PLCG2: variants seen among roughly 807,000 people sequenced by gnomAD.
PLCG2 encodes 1-phosphatidylinositol 4,5-bisphosphate phosphodiesterase gamma-2.
A neutral mutation model predicts 175.6 loss-of-function variants in PLCG2; 69 were observed. That is an observed-to-expected ratio of 0.39 (90% CI 0.32 to 0.48). The LOEUF (loss-of-function observed/expected upper bound fraction) is 0.48. Among genes scored for constraint, PLCG2 ranks in the 20% least tolerant of loss-of-function variants. PLCG2 has a pLI of 0.91. For missense variants in PLCG2, 1,798 were observed against 1,650.9 expected, an observed-to-expected ratio of 1.09 and a Z score of -1.54; for synonymous variants, 827 against 624.0, an observed-to-expected ratio of 1.33 and a Z score of -4.85.
chr16:81,749,076 C>T (rs1909757308), intron 1 of PLCG2, among the ~76,000 whole-genome samples: 1 of 152,088 alleles, frequency 6.6e-6, no homozygotes, highest in East Asian at 1.9e-4. Flanking sequence ...CTGCGACTTT[C>T]ACAAGGGGGC....
intron 2 of PLCG2, among the ~76,000 whole-genome samples, chr16:81,823,773 C>T (rs1356388576): frequency 6.6e-6 from 1 of 151,804 alleles, no homozygotes; most frequent in Non-Finnish European, 1.5e-5. Context: ...CAAGCAATCC[C>T]CTGACCTCGG....
chr16:81,956,678 T>C lies in PLCG2; in HGVS notation c.3571-17T>C. The C allele has an allele frequency of 6.2e-7, 1 of 1,609,388 alleles. No individual in the cohort carries two copies. Among genetic ancestry groups the C allele is most frequent in the East Asian group, 2.2e-5 (1 of 44,804 alleles). ...GTGTAGTCACCACATGGTTGTTCTC[T>C]CCCCTGCATCCTCCAGGAGAGCGAA... On this transcript the variant is annotated splice_polypyrimidine_tract_variant and intron_variant, in intron 31 of 32. Transcript: ENST00000564138.
intron 2 of PLCG2, among the ~76,000 whole-genome samples, chr16:81,815,737 C>T (rs1049663656): frequency 1.3e-5 from 2 of 152,148 alleles, no homozygotes; most frequent in African/African-American, 4.8e-5. Context: ...TGGTGGAAAC[C>T]TTTGTAGGTC....
At chr16:81,766,483 T>G (rs1161560673) in intron 2 of PLCG2, among the ~76,000 whole-genome samples, 37 of 390 alleles carry the variant, frequency 0.095, no homozygotes, top group Admixed American at 0.2. Context: ...CTCCTCCTCT[T>G]CCTCCTCCTC....
At chr16:81,800,159 C>G (rs1911658629) in intron 2 of PLCG2, among the ~76,000 whole-genome samples, 2 of 152,272 alleles carry the variant, frequency 1.3e-5, no homozygotes, top group South Asian at 4.2e-4. Context: ...TAGTACCTGG[C>G]AAATATCCCA....
At chr16:81,883,197 G>A in intron 8 of PLCG2, 72 bp from the exon 9 acceptor site, 1 of 1,369,756 alleles carries the variant, frequency 7.3e-7, no homozygotes, top group Non-Finnish European at 1.0e-6. Context: ...CTGCCCCATT[G>A]GCTGGCATCT....
chr16:81,782,491 C>T (rs927956478), intron 1 of PLCG2, among the ~76,000 whole-genome samples: 1 of 152,122 alleles, frequency 6.6e-6, no homozygotes, highest in African/African-American at 2.4e-5. Flanking sequence ...ACCTCCCTGC[C>T]ATAGTTGATA....
chr16:81,854,660 G>A, intron 3 of PLCG2, 73 bp downstream of exon 3: 2 of 1,371,732 alleles, frequency 1.5e-6, no homozygotes, highest in South Asian at 1.2e-5. Flanking sequence ...GCTAATAGCA[G>A]AATGCTCACC....
intron 22 of PLCG2, among the ~76,000 whole-genome samples, chr16:81,926,646 T>A (rs923223078): frequency 1.3e-5 from 2 of 152,184 alleles, no homozygotes; most frequent in Non-Finnish European, 2.9e-5. Flanking sequence ...TTTATGCATT[T>A]TTCAGATGGA....
At chr16:81,933,933 G>C (rs529137107) in intron 25 of PLCG2, among the ~76,000 whole-genome samples, 1 of 152,350 alleles carries the variant, frequency 6.6e-6, no homozygotes, top group Non-Finnish European at 1.5e-5. Flanking sequence ...TGGGCACTGG[G>C]TAGTGGTCCC....
At chr16:81,852,913 C>T (rs1261344120) in intron 2 of PLCG2, among the ~76,000 whole-genome samples, 2 of 152,148 alleles carry the variant, frequency 1.3e-5, no homozygotes, top group Non-Finnish European at 2.9e-5. Context: ...ATTCTTCTTC[C>T]ATGGCCTCTC....
At chr16:81,936,437 G>C (rs1158368656) in intron 27 of PLCG2, 59 bp downstream of exon 27, 2 of 1,402,858 alleles carry the variant, frequency 1.4e-6, no homozygotes, top group East Asian at 2.3e-5. Context: ...GTCACTCCAG[G>C]CCGAGTCACC....
intron 7 of PLCG2, among the ~76,000 whole-genome samples, chr16:81,872,520 G>A (rs1477206461): frequency 1.3e-5 from 2 of 152,180 alleles, no homozygotes; most frequent in Non-Finnish European, 2.9e-5. Flanking sequence ...TATGTTCCAA[G>A]TAACATGTTA....
At chr16:81,943,301 G>C (rs186437475) in intron 30 of PLCG2, among the ~76,000 whole-genome samples, 2 of 152,272 alleles carry the variant, frequency 1.3e-5, no homozygotes, top group East Asian at 3.9e-4. Flanking sequence ...TTTCTGGGGA[G>C]GCCTCAGGAA....
chr16:81,948,192 T>C (rs879279158), intron 31 of PLCG2, among the ~76,000 whole-genome samples: 4 of 152,230 alleles, frequency 2.6e-5, no homozygotes, highest in Non-Finnish European at 4.4e-5. Context: ...GACCATGTAT[T>C]TTTATCTGCA....
At chr16:81,874,948 G>GTTTTTTTTTTTTTTT (rs770994063) in intron 7 of PLCG2, among the ~76,000 whole-genome samples, 16 of 40,762 alleles carry the variant, frequency 3.9e-4, no homozygotes, top group African/African-American at 9.3e-4. Context: ...TATCCTATGT[G>GTTTTTTTTTTTTTTT]TTTTTTTTTT....
chr16:81,778,613 C>T (rs533803101), upstream of PLCG2, among the ~76,000 whole-genome samples: 1 of 152,256 alleles, frequency 6.6e-6, no homozygotes, highest in African/African-American at 2.4e-5. Flanking sequence ...GGGTTCTTTG[C>T]TCCTGACTCC....
chr16:81,805,501 A>G (rs1192500561), intron 2 of PLCG2, among the ~76,000 whole-genome samples: 5 of 117,214 alleles, frequency 4.3e-5, no homozygotes, highest in East Asian at 2.1e-4. Flanking sequence ...TCCATCTCAG[A>G]AAAAAAAAAA....
In PLCG2 at chr16:81,956,710, C is replaced by A. The variant is rs1338237295; in HGVS notation, c.3586C>A (p.Leu1196Ile). 2.5e-6 allele frequency: 4 copies of A among 1,613,996 alleles called. No homozygotes were observed. Among genetic ancestry groups the A allele is most frequent in the Non-Finnish European group, 2.5e-6 (3 of 1,179,966 alleles). ...MRPVLESEEE[L>I]YSSCRQLRRR... The stretch of plus-strand genomic sequence containing the variant: ...CATCCTCCAGGAGAGCGAAGAGGAA[C>A]TTTACTCCTCCTGTCGCCAGCTGAG... Residue 1196 changes from leucine (L) to isoleucine (I), a missense_variant, in exon 32 of 33, where the codon CTT becomes ATT. Coordinates refer to ENST00000564138, the MANE Select transcript of PLCG2 (RefSeq NM_002661.5).
Sources: gnomAD v4.1 joint callset for allele counts (sites outside exome capture counted in the v4.1 genomes callset) on GRCh38, gnomAD v4.1.1 for gene constraint, MANE v1.5 for transcripts, NCBI Gene and HGNC (gene_info 2026-07-23, HGNC 2026-07-21) for gene names.